The following AFF2 variants were observed in gnomAD, a reference collection of about 807,000 sequenced individuals.
AFF2 encodes the protein AF4/FMR2 family member 2.
Under a neutral mutation model 76.9 loss-of-function variants are expected in AFF2, and 14 were observed. That is an observed-to-expected ratio of 0.18 (90% CI 0.12 to 0.28). AFF2 has a LOEUF of 0.28. AFF2 is among the 10% of genes least tolerant of loss of function. The pLI, the probability that AFF2 is intolerant of heterozygous loss-of-function variation, is 1.00. For missense variants in AFF2, 868 were observed against 1,001.1 expected (o/e 0.87, Z 1.79); for synonymous variants, 398 against 366.7 (o/e 1.09, Z -0.98).
At chrX:148,950,698 T>C (rs782110370) in intron 9 of AFF2, among the ~76,000 whole-genome samples, 2 of 112,428 alleles carry the variant, frequency 1.8e-5, no homozygotes, top group Non-Finnish European at 3.8e-5. Flanking sequence ...TAAAAATTCT[T>C]AGGATACATA....
chrX:148,892,497 G>A (rs993339012), intron 8 of AFF2, among the ~76,000 whole-genome samples: 1 of 110,790 alleles, frequency 9.0e-6, no homozygotes, highest in African/African-American at 3.3e-5. Context: ...GAGCTTACTG[G>A]CCTGGTTGCT....
At chrX:148,806,683 G>T (rs1249656377) in intron 3 of AFF2, among the ~76,000 whole-genome samples, 10 of 111,729 alleles carry the variant, frequency 9.0e-5, no homozygotes, top group Non-Finnish European at 1.3e-4. Context: ...TGAATAGGCG[G>T]ACAGGCGAAT....
chrX:148,575,843 ATAAT>A (rs1477113816), intron 1 of AFF2, among the ~76,000 whole-genome samples: 3 of 109,053 alleles, frequency 2.8e-5, no homozygotes, highest in African/African-American at 9.9e-5. Context: ...AATAGAATAT[ATAAT>A]TATCTGATAT....
intron 9 of AFF2, among the ~76,000 whole-genome samples, chrX:148,904,685 G>T (rs1425941949): frequency 8.9e-6 from 1 of 112,012 alleles, no homozygotes; most frequent in East Asian, 2.8e-4. Flanking sequence ...TGGCACCTTG[G>T]CATCAAGGCC....
At chrX:148,734,330 A>C (rs1175107902) in intron 3 of AFF2, among the ~76,000 whole-genome samples, 1 of 111,463 alleles carries the variant, frequency 9.0e-6, no homozygotes, top group Non-Finnish European at 1.9e-5. Context: ...TGTGCTTGGC[A>C]CTCTGTTAGG....
intron 3 of AFF2, among the ~76,000 whole-genome samples, chrX:148,804,925 C>A (rs1318467157): frequency 9.0e-6 from 1 of 111,529 alleles, no homozygotes; most frequent in Non-Finnish European, 1.9e-5. Flanking sequence ...AACTGGGACT[C>A]CCTGGATAGA....
intron 1 of AFF2, among the ~76,000 whole-genome samples, chrX:148,525,486 A>C (rs1557235081): frequency 1.8e-5 from 2 of 111,850 alleles, no homozygotes. Context: ...CATTAGTCAG[A>C]TATTATCATT....
intron 3 of AFF2, among the ~76,000 whole-genome samples, chrX:148,774,282 A>G (rs1482105332): frequency 8.9e-6 from 1 of 111,822 alleles, no homozygotes. Flanking sequence ...CATACCAGGA[A>G]CCTCACATAC....
At chrX:148,597,443 C>T (rs114897942) in intron 1 of AFF2, among the ~76,000 whole-genome samples, 2,233 of 111,882 alleles carry the variant, frequency 0.02, 56 homozygotes, top group African/African-American at 0.063. Context: ...AACTAATTAA[C>T]AGCCATTCTC....
rs199552847 is a variant in AFF2 at position 148,747,426 on chromosome X, C to CA, written c.1042-62441dup. 7.9e-3 allele frequency among the ~76,000 whole-genome samples: 854 copies of CA among 108,104 alleles called. 23 individuals carry two copies. The highest frequency in any genetic ancestry group is 0.072 in the Admixed American group (732 of 10,105). The allele number at this position is 108,104 out of a possible 115,157, so 93.9% of individuals were successfully genotyped here. A position where few individuals can be genotyped will look rare whatever the true frequency, so the allele number is the denominator to read the frequency against. On this transcript the variant is annotated intron_variant, in intron 3 of 20. Transcript: ENST00000370460. The stretch of plus-strand genomic sequence containing the variant: ...ACAGGTACAACCTTGAGCACTCACG[C>CA]AAAAAAAAATATTGTAGCTAAAAGA...
Position 148,966,894 on chromosome X carries a change from C to G in AFF2, c.3018C>G (p.Val1006=). The G allele has an allele frequency of 8.3e-7, 1 of 1,211,215 alleles. No homozygotes were observed. Among genetic ancestry groups the G allele is most frequent in the Non-Finnish European group, 1.1e-6 (1 of 895,451 alleles). ...CTACTGCCATTGTCACCACCACTGT[C>G]ACAGCTACTGCCACCGCCACGGCCA... is the stretch of plus-strand genomic sequence containing the variant. ...VTATAIVTTT[V]TATATATATT... is the part of the protein sequence containing the mutation. Residue 1006 remains valine, a synonymous_variant, in exon 14 of 21, where the codon GTC becomes GTG. Transcript: ENST00000370460.
intron 8 of AFF2, among the ~76,000 whole-genome samples, chrX:148,896,767 G>A (rs577921339): frequency 9.0e-6 from 1 of 110,932 alleles, no homozygotes; most frequent in East Asian, 2.9e-4. Flanking sequence ...TGGTTTTCCT[G>A]ACTAGAGTTA....
chrX:148,867,086 A>G, intron 7 of AFF2, among the ~76,000 whole-genome samples: 1 of 112,364 alleles, frequency 8.9e-6, no homozygotes, highest in East Asian at 2.8e-4. Context: ...AAAGAAAAAG[A>G]AACCTGTAAG....
chrX:148,922,180 C>G (rs1324685675), intron 9 of AFF2, among the ~76,000 whole-genome samples: 1 of 111,761 alleles, frequency 8.9e-6, no homozygotes, highest in Non-Finnish European at 1.9e-5. Context: ...TTTTTTGAAA[C>G]TATTTTCTGT....
At chrX:148,544,366 C>T (rs1312630277) in intron 1 of AFF2, among the ~76,000 whole-genome samples, 1 of 111,942 alleles carries the variant, frequency 8.9e-6, no homozygotes, top group Non-Finnish European at 1.9e-5. Context: ...TGATTTGCTG[C>T]CCCAAGGAAA....
intron 7 of AFF2, among the ~76,000 whole-genome samples, chrX:148,882,984 G>A (rs2124135889): frequency 9.0e-6 from 1 of 111,699 alleles, no homozygotes; most frequent in East Asian, 2.8e-4. Context: ...TTGTTGCATG[G>A]TGGGGATGTG....
intron 7 of AFF2, among the ~76,000 whole-genome samples, chrX:148,885,265 A>T (rs1043962447): frequency 1.8e-5 from 2 of 111,714 alleles, no homozygotes; most frequent in African/African-American, 6.5e-5. Context: ...GGAGAGAAAG[A>T]TTTCTTATCC....
chrX:148,837,784 A>C, intron 5 of AFF2, 51 bp downstream of exon 5: 1 of 900,900 alleles, frequency 1.1e-6, no homozygotes, highest in Non-Finnish European at 1.6e-6. Flanking sequence ...TAATTATACC[A>C]ATCTTCCAAC....
chrX:148,607,794 G>A (rs1372467455), intron 1 of AFF2, among the ~76,000 whole-genome samples: 3 of 111,419 alleles, frequency 2.7e-5, no homozygotes, highest in Non-Finnish European at 5.7e-5. Flanking sequence ...TTTAAAAATG[G>A]TTCTACAAAT....
Sources: allele counts gnomAD v4.1 joint callset (sites outside exome capture counted in the v4.1 genomes callset), GRCh38; gene constraint gnomAD v4.1.1; transcripts MANE v1.5; gene names NCBI Gene and HGNC (gene_info 2026-07-23, HGNC 2026-07-21).